RFX3: variants seen among roughly 807,000 people sequenced by gnomAD.
RFX3 encodes transcription factor RFX3.
In RFX3, 14 loss-of-function variants were observed where a neutral mutation model predicts 98.6. That is an observed-to-expected ratio of 0.14 (90% CI 0.09 to 0.22). The LOEUF (loss-of-function observed/expected upper bound fraction) is 0.22, where lower values mean the gene tolerates loss of function less well. RFX3 is among the 10% of genes least tolerant of loss of function. RFX3 has a pLI of 1.00. For synonymous variants in RFX3, 383 were observed against 328.4 expected (o/e 1.17, Z -1.80); for missense variants, 639 against 926.9 (o/e 0.69, Z 4.03).
chr9:3,377,751 G>T (rs1409041644), intron 2 of RFX3, among the ~76,000 whole-genome samples: 1 of 152,098 alleles, frequency 6.6e-6, no homozygotes, highest in Non-Finnish European at 1.5e-5. Context: ...GAAGTATTTG[G>T]GGTAATGAAA....
chr9:3,395,737 C>T (rs1331792968), intron 1 of RFX3, 141 bp from the exon 2 acceptor site: 1 of 794,342 alleles, frequency 1.3e-6, no homozygotes, highest in Non-Finnish European at 2.0e-6. Context: ...CATGACAGTC[C>T]GTGCATGTGT....
chr9:3,496,214 A>AATT (rs1851098123), intron 1 of RFX3, among the ~76,000 whole-genome samples: 1 of 152,054 alleles, frequency 6.6e-6, no homozygotes, highest in African/African-American at 2.4e-5. Context: ...TTACTAAAAT[A>AATT]ACTAAACTTG....
At chr9:3,234,456 T>C (rs891271804) in intron 15 of RFX3, among the ~76,000 whole-genome samples, 6 of 152,122 alleles carry the variant, frequency 3.9e-5, no homozygotes, top group Non-Finnish European at 5.9e-5. Flanking sequence ...CTGGGCAACA[T>C]GGCAAAACCC....
intron 2 of RFX3, among the ~76,000 whole-genome samples, chr9:3,347,688 T>C (rs1313084854): frequency 6.6e-6 from 1 of 151,868 alleles, no homozygotes; most frequent in African/African-American, 2.4e-5. Flanking sequence ...TAGCCAGGCA[T>C]GGTGGTGCAT....
At chr9:3,371,430 T>C (rs114641032) in intron 2 of RFX3, among the ~76,000 whole-genome samples, 1,718 of 152,278 alleles carry the variant, frequency 0.011, 30 homozygotes, top group African/African-American at 0.039. Flanking sequence ...TATATTACAA[T>C]AACTATCAAA....
At chr9:3,458,800 C>G (rs1847425557) in intron 1 of RFX3, among the ~76,000 whole-genome samples, 1 of 151,982 alleles carries the variant, frequency 6.6e-6, no homozygotes, top group Admixed American at 6.6e-5. Context: ...AAGTATAAGA[C>G]TAAGCTACCA....
intron 5 of RFX3, among the ~76,000 whole-genome samples, chr9:3,297,987 TA>T (rs1828193501): frequency 6.6e-6 from 1 of 151,848 alleles, no homozygotes; most frequent in Non-Finnish European, 1.5e-5. Flanking sequence ...AGAAAAAGTA[TA>T]AAATAATCTT....
chr9:3,495,203 T>G (rs1851016670), intron 1 of RFX3, among the ~76,000 whole-genome samples: 1 of 151,918 alleles, frequency 6.6e-6, no homozygotes, highest in Non-Finnish European at 1.5e-5. Flanking sequence ...AAGCAAGAAC[T>G]TCTCCATTTT....
chr9:3,246,637 GAGTCCA>G (rs1224769228), intron 15 of RFX3, among the ~76,000 whole-genome samples: 1 of 152,172 alleles, frequency 6.6e-6, no homozygotes, highest in African/African-American at 2.4e-5. Context: ...TTAGAGTACT[GAGTCCA>G]CGTGCTACCT....
At chr9:3,229,147 T>C (rs550610796) in intron 15 of RFX3, among the ~76,000 whole-genome samples, 1 of 152,334 alleles carries the variant, frequency 6.6e-6, no homozygotes, top group East Asian at 1.9e-4. Context: ...TGCTCCATTT[T>C]ACCTTTTATT....
chr9:3,305,929 C>G (rs1341857362), intron 4 of RFX3, among the ~76,000 whole-genome samples: 1 of 152,060 alleles, frequency 6.6e-6, no homozygotes, highest in Non-Finnish European at 1.5e-5. Flanking sequence ...GCATTTGACA[C>G]CTAAAACACT....
At chr9:3,521,626 CAT>C (rs1818719964) in intron 1 of RFX3, among the ~76,000 whole-genome samples, 1 of 152,086 alleles carries the variant, frequency 6.6e-6, no homozygotes, top group Admixed American at 6.5e-5. Flanking sequence ...TACTGCAGTA[CAT>C]ATTTTTGAAC....
intron 7 of RFX3, among the ~76,000 whole-genome samples, chr9:3,286,221 T>A (rs1826581140): frequency 6.6e-6 from 1 of 151,822 alleles, no homozygotes; most frequent in African/African-American, 2.4e-5. Context: ...AGGCTACAAG[T>A]GCTGCCATTA....
At chr9:3,332,598 T>C (rs1186487516) in intron 3 of RFX3, among the ~76,000 whole-genome samples, 1 of 152,184 alleles carries the variant, frequency 6.6e-6, no homozygotes, top group African/African-American at 2.4e-5. Context: ...GTAACGCAGA[T>C]ATAAAAATAA....
chr9:3,506,138 G>A (rs900048014), intron 1 of RFX3, among the ~76,000 whole-genome samples: 1 of 150,830 alleles, frequency 6.6e-6, no homozygotes, highest in Non-Finnish European at 1.5e-5. Context: ...TCATCATCTC[G>A]AGAGATGGTA....
chr9:3,457,633 T>C (rs984725952), intron 1 of RFX3, among the ~76,000 whole-genome samples: 2 of 152,156 alleles, frequency 1.3e-5, no homozygotes, highest in African/African-American at 4.8e-5. Context: ...CCTCAATTCA[T>C]TTTAGGATTC....
chr9:3,411,144 A>T (rs759331546), intron 1 of RFX3, among the ~76,000 whole-genome samples: 6 of 152,190 alleles, frequency 3.9e-5, no homozygotes, highest in Admixed American at 1.3e-4. Context: ...CCAAATTTAT[A>T]AGGACGGTGT....
intron 4 of RFX3, among the ~76,000 whole-genome samples, chr9:3,320,035 G>C (rs1831078504): frequency 6.6e-6 from 1 of 152,124 alleles, no homozygotes; most frequent in East Asian, 1.9e-4. Context: ...CTAGGATCAG[G>C]GTTTAATGTG....
chr9:3,229,889 C>A (rs1326568195), intron 15 of RFX3, among the ~76,000 whole-genome samples: 1 of 152,054 alleles, frequency 6.6e-6, no homozygotes, highest in African/African-American at 2.4e-5. Context: ...TCTTATTTTG[C>A]AAACATACAC....
Sources: allele counts gnomAD v4.1 joint callset (sites outside exome capture counted in the v4.1 genomes callset), GRCh38; gene constraint gnomAD v4.1.1; transcripts MANE v1.5; gene names NCBI Gene and HGNC (gene_info 2026-07-23, HGNC 2026-07-21).